The following ME2 variants were observed in gnomAD, a reference collection of about 807,000 sequenced individuals.
ME2 encodes the protein malic enzyme 2, also known as NAD-dependent malic enzyme, mitochondrial.
In ME2, 60 loss-of-function variants were observed where a neutral mutation model predicts 73.7. The observed-to-expected ratio is 0.81, with a 90% CI of 0.66 to 1.01. The LOEUF is 1.01. Among genes scored for constraint, ME2 ranks in the 50% least tolerant of loss-of-function variants. The pLI is 0.00. For missense variants in ME2, 594 were observed against 705.5 expected, an observed-to-expected ratio of 0.84 and a Z score of 1.79; for synonymous variants, 199 against 236.9, an observed-to-expected ratio of 0.84 and a Z score of 1.47.
rs1478603788 is a variant in ME2, at chr18:50,951,193, T to TA, written c.*4010dup. 1 of 152,238 alleles carries TA rather than the reference T, an allele frequency of 6.6e-6. No individual in the cohort carries two copies. The highest frequency in any genetic ancestry group is 1.5e-5 in the Non-Finnish European group (1 of 68,042). 9.4% of individuals were successfully genotyped at this position (152,238 alleles called of 1,614,324 possible). On this transcript the variant is annotated 3_prime_UTR_variant, in exon 16 of 16. Coordinates refer to ENST00000321341, the MANE Select transcript of ME2 (RefSeq NM_002396.5). ...AGTTTTCTTATGACATGACTTGCCT[T>TA]ATATCCTTTGTCCTTTTTCTGTAAC...
intron 13 of ME2, chr18:50,932,947 C>T (rs1453260517): frequency 6.6e-6 from 1 of 152,232 alleles, no homozygotes; most frequent in Non-Finnish European, 1.5e-5. Flanking sequence ...CACGCCCAGC[C>T]AGGTGTTCTT....
rs73960337 is a variant in ME2 at position 50,883,245 on chromosome 18, A to G, written c.-13+3937A>G. ...TGAGTCCAGTCCAGATTCACTCTCC[A>G]GTCTGTCTGACAGCAAAGCCTGTGC... is the stretch of plus-strand genomic sequence containing the variant. On this transcript the variant is annotated intron_variant, in intron 1 of 15. Transcript: ENST00000321341. Among the ~76,000 whole-genome samples the G allele has an allele frequency of 4.1e-3, 628 of 152,248 alleles. 8 individuals carry two copies. The highest frequency in any genetic ancestry group is 0.014 in the African/African-American group (581 of 41,540).
At chr18:50,916,015 G>A (rs1301758475) in intron 4 of ME2, 153 bp from the exon 5 acceptor site, 1 of 573,936 alleles carries the variant, frequency 1.7e-6, no homozygotes, top group African/African-American at 1.9e-5. Context: ...ACTTGAAAAT[G>A]TTTGAAAATA....
rs1568171057 is a variant in ME2 at position 50,925,815 on chromosome 18, A to G, written c.1231A>G (p.Asn411Asp). The change falls in exon 12 of 16, where the codon AAT becomes GAT. Residue 411 changes from asparagine to aspartate, a missense_variant. Physicochemically the swap from Asn to Asp is conservative, Grantham distance 23 (BLOSUM62 1). Transcript: ENST00000321341. ...TGTAATCAGAGCCATGGCCTCTATCAATGAAAGGCCTGTAATATTTGCATT... is the reference window on the plus strand; with the variant it reads ...TGTAATCAGAGCCATGGCCTCTATCGATGAAAGGCCTGTAATATTTGCATT... ...PDVIRAMASI[N>D]ERPVIFALSN... 7.4e-6 allele frequency: 12 copies of G among 1,612,440 alleles called. No homozygotes were observed. Among genetic ancestry groups the G allele is most frequent in the Middle Eastern group, 1.7e-4 (1 of 6,060 alleles).
At chr18:50,918,273 C>A in intron 7 of ME2, 60 bp downstream of exon 7, 3 of 1,121,702 alleles carry the variant, frequency 2.7e-6, no homozygotes, top group South Asian at 1.4e-5. Context: ...GGGGTAAGAA[C>A]CAAAGTTTTG....
At chr18:50,923,107 T>A (rs1917468908) in intron 10 of ME2, among the ~76,000 whole-genome samples, 1 of 152,320 alleles carries the variant, frequency 6.6e-6, no homozygotes, top group South Asian at 2.1e-4. Flanking sequence ...GTTTTTGACC[T>A]GGGATTTGGA....
chr18:50,906,900 A>G (rs774056170), intron 2 of ME2, among the ~76,000 whole-genome samples: 2 of 152,172 alleles, frequency 1.3e-5, no homozygotes, highest in Non-Finnish European at 2.9e-5. Flanking sequence ...ATGTGTCCAC[A>G]GCTCATGTAT....
intron 2 of ME2, among the ~76,000 whole-genome samples, chr18:50,904,575 G>A (rs1490582347): frequency 6.6e-6 from 1 of 151,898 alleles, no homozygotes; most frequent in Admixed American, 6.6e-5. Flanking sequence ...GAGCCACCAC[G>A]CCCAGCCTAA....
At position 50,952,889 on chromosome 18, in the gene ME2, C is replaced by G. The variant is rs1284956096; in HGVS notation, c.*5705C>G. The G allele has an allele frequency of 6.6e-6, 1 of 152,158 alleles. No homozygotes were observed. Among genetic ancestry groups the G allele is most frequent in the Non-Finnish European group, 1.5e-5 (1 of 68,020 alleles). 9.4% of individuals were successfully genotyped at this position (152,158 alleles called of 1,614,324 possible). ...CTAAGGATCCGACATATTTAATCCT[C>G]TGTTTACCCTCTGTTTCTGTGCCTG... is the stretch of plus-strand genomic sequence containing the variant. On this transcript the variant is annotated 3_prime_UTR_variant, in exon 16 of 16. Transcript: ENST00000321341.
At chr18:50,926,691 T>C (rs1258879326) in intron 12 of ME2, among the ~76,000 whole-genome samples, 3 of 152,206 alleles carry the variant, frequency 2.0e-5, no homozygotes, top group Non-Finnish European at 2.9e-5. Flanking sequence ...ATATTTACTA[T>C]CTCTCTTGCT....
At chr18:50,880,725 T>C (rs190689513) in intron 1 of ME2, among the ~76,000 whole-genome samples, 1 of 152,268 alleles carries the variant, frequency 6.6e-6, no homozygotes, top group Non-Finnish European at 1.5e-5. Flanking sequence ...GCTCCTAATA[T>C]GACTTTTATC....
At chr18:50,942,477 A>G (rs764992800) in intron 15 of ME2, among the ~76,000 whole-genome samples, 10 of 151,998 alleles carry the variant, frequency 6.6e-5, no homozygotes, top group Admixed American at 1.3e-4. Flanking sequence ...ATTTTAAAAA[A>G]CTCTGCAACT....
intron 1 of ME2, among the ~76,000 whole-genome samples, chr18:50,884,566 T>G (rs1916409188): frequency 6.6e-6 from 1 of 152,174 alleles, no homozygotes. Context: ...CAGGATAGCT[T>G]TGAAATCTTG....
intron 1 of ME2, among the ~76,000 whole-genome samples, chr18:50,895,315 A>G (rs1021779766): frequency 1.3e-5 from 2 of 152,194 alleles, no homozygotes; most frequent in African/African-American, 2.4e-5. Flanking sequence ...AGGTTTTCTA[A>G]GACAAAAAAT....
Position 50,921,204 on chromosome 18 carries a change from T to G in ME2, c.1056+17T>G, listed in dbSNP as rs773923147. On this transcript the variant is annotated intron_variant, in intron 10 of 15. Transcript: ENST00000321341. ...TTAGTTAAGGTAAGGTATTTAAAAT[T>G]TGGAGAAGCAAAAGAGTGTATTATA... 5 of 1,272,204 alleles carry G rather than the reference T, an allele frequency of 3.9e-6. No homozygotes were observed. The South Asian group carries it at 5.3e-5, about 14-fold the overall frequency. The allele number at this position is 1,272,204 out of a possible 1,614,324, so 78.8% of individuals were successfully genotyped here.
intron 15 of ME2, among the ~76,000 whole-genome samples, chr18:50,944,781 G>A (rs1190672595): frequency 6.6e-6 from 1 of 152,022 alleles, no homozygotes; most frequent in Non-Finnish European, 1.5e-5. Context: ...CCCATGCTCT[G>A]CCACAAGTGA....
At position 50,948,843 on chromosome 18, in the gene ME2, ATT is replaced by A. The variant is rs71171366; in HGVS notation, c.*1678_*1679del. On this transcript the variant is annotated 3_prime_UTR_variant, in exon 16 of 16. Coordinates refer to ENST00000321341, the MANE Select transcript of ME2 (RefSeq NM_002396.5). Reference sequence around the variant, plus strand: ...AGGCGTGAGCCACCGCACCCAGCCAATTTTTTTTTTTTTTTTTTTTGAGACAG... The same window carrying A: ...AGGCGTGAGCCACCGCACCCAGCCAATTTTTTTTTTTTTTTTTTGAGACAG... The A allele has an allele frequency of 1.9e-3, 210 of 111,392 alleles. 1 individual carries two copies. The highest frequency in any genetic ancestry group is 4.7e-3 in the African/African-American group (139 of 29,576). The allele number at this position is 111,392 out of a possible 1,614,324, so 6.9% of individuals were successfully genotyped here.
chr18:50,910,892 G>A (rs994803135), intron 3 of ME2, among the ~76,000 whole-genome samples: 2 of 152,278 alleles, frequency 1.3e-5, no homozygotes, highest in Admixed American at 6.5e-5. Context: ...ATCCTGAAGG[G>A]AGCCCATAGA....
intron 5 of ME2, 60 bp from the exon 6 acceptor site, chr18:50,917,287 A>G (rs1316581439): frequency 7.4e-7 from 1 of 1,353,864 alleles, no homozygotes; most frequent in Non-Finnish European, 1.0e-6. Context: ...CTTTTAAAAA[A>G]TGCTTTTCTT....
Sources: allele counts gnomAD v4.1 joint callset (sites outside exome capture counted in the v4.1 genomes callset), GRCh38; gene constraint gnomAD v4.1.1; transcripts MANE v1.5; gene names NCBI Gene and HGNC (gene_info 2026-07-23, HGNC 2026-07-21).